FRMPD2: variants seen among roughly 807,000 people sequenced by gnomAD.
FRMPD2 encodes FERM and PDZ domain-containing protein 2.
FRMPD2 carries 96 observed loss-of-function variants against 140.1 expected under a neutral mutation model. The observed-to-expected ratio is 0.69, with a 90% CI of 0.58 to 0.81. The LOEUF (loss-of-function observed/expected upper bound fraction) is 0.81. Ranked by LOEUF, FRMPD2 falls within the 40% of genes least tolerant of loss-of-function variation. FRMPD2 has a pLI of 0.00. For missense variants in FRMPD2, 1,240 were observed against 1,447.4 expected (o/e 0.86, Z 2.32); for synonymous variants, 449 against 547.6 (o/e 0.82, Z 2.52).
intron 1 of FRMPD2, among the ~76,000 whole-genome samples, chr10:48,255,935 G>A (rs1425574486): frequency 6.6e-6 from 1 of 152,196 alleles, no homozygotes; most frequent in Admixed American, 6.5e-5. Context: ...GAGGTGGGCG[G>A]GTCCCATCTG....
intron 1 of FRMPD2, among the ~76,000 whole-genome samples, chr10:48,270,828 T>A (rs184732109): frequency 4.6e-5 from 7 of 152,134 alleles, no homozygotes; most frequent in Non-Finnish European, 8.8e-5. Flanking sequence ...CCCAGCCCGT[T>A]AATCACCATC....
At chr10:48,186,201 GT>G (rs1188459432) in intron 17 of FRMPD2, among the ~76,000 whole-genome samples, 1 of 152,228 alleles carries the variant, frequency 6.6e-6, no homozygotes, top group African/African-American at 2.4e-5. Context: ...GAGTCCTGGA[GT>G]GGGGCACTTC....
intron 12 of FRMPD2, among the ~76,000 whole-genome samples, chr10:48,222,094 G>A (rs1014094916): frequency 6.8e-6 from 1 of 146,274 alleles, no homozygotes; most frequent in Admixed American, 6.8e-5. Flanking sequence ...AGGTGAATAG[G>A]TAGATGAGTG....
chr10:48,171,389 T>A (rs1226902153), intron 25 of FRMPD2, among the ~76,000 whole-genome samples, 181 bp from the exon 26 acceptor site: 1 of 151,896 alleles, frequency 6.6e-6, no homozygotes. Context: ...CAATAAAATA[T>A]AATGTGAGCT....
chr10:48,173,011 C>T lies in FRMPD2; in HGVS notation c.3158G>A (p.Arg1053His), dbSNP rs782346648. Residue 1053 changes from arginine (R) to histidine (H), a missense_variant, in exon 25 of 29, where the codon CGC (arginine) becomes CAC (histidine). Physicochemically the swap from Arg to His is conservative, Grantham distance 29. Around this residue, in one of 6 missense-constraint regions of FRMPD2, gnomAD observed 22 missense variants for 35.3 expected, o/e 0.62. Transcript: ENST00000374201. ...PSANDSMGDE[R>H]TAVSLVTALP... The stretch of plus-strand genomic sequence containing the variant: ...GGCTGTTACCAAGGAAACAGCCGTG[C>T]GTTCATCTCCCATGCTGTCATTAGC... The T allele has an allele frequency of 2.3e-5, 26 of 1,114,250 alleles. 2 individuals carry two copies. The highest frequency in any genetic ancestry group is 7.1e-5 in the East Asian group (3 of 42,280). The allele number at this position is 1,114,250 out of a possible 1,614,324, so 69.0% of individuals were successfully genotyped here. A position where few individuals can be genotyped will look rare whatever the true frequency, so the allele number is the denominator to read the frequency against.
chr10:48,203,094 C>A (rs756302440), intron 14 of FRMPD2, among the ~76,000 whole-genome samples: 1 of 152,170 alleles, frequency 6.6e-6, no homozygotes, highest in Non-Finnish European at 1.5e-5. Context: ...CTGTGCCTTG[C>A]AAGAATAAAT....
intron 9 of FRMPD2, among the ~76,000 whole-genome samples, chr10:48,233,904 G>A (rs1588845053): frequency 6.6e-6 from 1 of 152,092 alleles, no homozygotes; most frequent in Non-Finnish European, 1.5e-5. Context: ...GCAGGCACAC[G>A]CACCCAAGGC....
intron 1 of FRMPD2, among the ~76,000 whole-genome samples, chr10:48,272,973 G>C (rs1840794970): frequency 6.6e-6 from 1 of 152,312 alleles, no homozygotes; most frequent in East Asian, 1.9e-4. Flanking sequence ...AAGGGTATAA[G>C]AGTTCAGCAA....
At chr10:48,179,686 A>G (rs2132419688) in intron 21 of FRMPD2, among the ~76,000 whole-genome samples, 1 of 152,078 alleles carries the variant, frequency 6.6e-6, no homozygotes, top group South Asian at 2.1e-4. Flanking sequence ...GATGAGTAGA[A>G]GAAAGATACG....
chr10:48,217,576 T>A (rs1839479738), intron 12 of FRMPD2, among the ~76,000 whole-genome samples: 1 of 152,180 alleles, frequency 6.6e-6, no homozygotes, highest in South Asian at 2.1e-4. Context: ...GAGAATATAA[T>A]AGGAGATATC....
At chr10:48,274,029 T>C (rs1169615659) in intron 1 of FRMPD2, among the ~76,000 whole-genome samples, 1 of 152,216 alleles carries the variant, frequency 6.6e-6, no homozygotes, top group Non-Finnish European at 1.5e-5. Context: ...TCTTCTTACT[T>C]TAAACCACTG....
In FRMPD2 at chr10:48,224,914, A is replaced by G. The variant is rs933053485; in HGVS notation, c.1169-1644T>C. 5.9e-5 allele frequency among the ~76,000 whole-genome samples: 9 copies of G among 152,244 alleles called. No homozygotes were observed. The South Asian group carries it at 8.3e-4, about 14-fold the overall frequency. On this transcript the variant is annotated intron_variant, in intron 10 of 28. Coordinates refer to ENST00000374201, the MANE Select transcript of FRMPD2 (RefSeq NM_001018071.4). ...GTTATGAAAGGTCGAGCAAATATCA[A>G]TTGATCACATCAAAGCATATAACAG... is the stretch of plus-strand genomic sequence containing the variant.
Position 48,192,890 on chromosome 10 carries a change from A to T in FRMPD2, c.1959T>A (p.His653Gln). The T allele has an allele frequency of 6.2e-7, 1 of 1,612,638 alleles. No homozygotes were observed. Among genetic ancestry groups the T allele is most frequent in the Middle Eastern group, 1.7e-4 (1 of 6,060 alleles). ...SGQPSHVLFD[H>Q]DKFVQMANLS... ...AATTGGCCATTTGCACAAACTTATC[A>T]TGGTCTGAATTTGGGGAGAAAAACA... The change falls in exon 16 of 29, where the codon CAT becomes CAA. Residue 653 changes from histidine to glutamine, a missense_variant. By Grantham distance (24) the His-to-Gln change is conservative. Around this residue, in one of 6 missense-constraint regions of FRMPD2, gnomAD observed 1,161 missense variants for 1,055.9 expected, o/e 1.10. Transcript: ENST00000374201.
At chr10:48,257,464 G>T in intron 1 of FRMPD2, among the ~76,000 whole-genome samples, 1 of 152,090 alleles carries the variant, frequency 6.6e-6, no homozygotes. Flanking sequence ...ATTTTTAGTA[G>T]AGATGGGGTT....
At chr10:48,254,063 A>G (rs74648477) in intron 1 of FRMPD2, among the ~76,000 whole-genome samples, 22 of 128,752 alleles carry the variant, frequency 1.7e-4, no homozygotes, top group African/African-American at 8.5e-4. Flanking sequence ...CCTTTCAATT[A>G]AAAAAAAAAA....
At chr10:48,184,945 T>C (rs1838643802) in intron 18 of FRMPD2, 64 bp from the exon 19 acceptor site, 1 of 1,276,256 alleles carries the variant, frequency 7.8e-7, no homozygotes, top group African/African-American at 1.5e-5. Flanking sequence ...TCAGAGAGGT[T>C]AGGTTATTTC....
intron 14 of FRMPD2, among the ~76,000 whole-genome samples, chr10:48,203,828 T>C (rs1839142598): frequency 6.6e-6 from 1 of 152,180 alleles, no homozygotes; most frequent in African/African-American, 2.4e-5. Context: ...TTCACCCCAG[T>C]TGGTTAAGAC....
chr10:48,241,782 G>A (rs185845886), intron 5 of FRMPD2, among the ~76,000 whole-genome samples: 12 of 152,296 alleles, frequency 7.9e-5, no homozygotes, highest in Admixed American at 2.6e-4. Flanking sequence ...AAACGAAGTC[G>A]GGGAAGGCTT....
intron 13 of FRMPD2, among the ~76,000 whole-genome samples, chr10:48,210,515 C>A (rs992588437): frequency 6.6e-6 from 1 of 152,224 alleles, no homozygotes; most frequent in Admixed American, 6.5e-5. Flanking sequence ...GTCCATCCTG[C>A]AGACATCTGC....
Sources: allele counts gnomAD v4.1 joint callset (sites outside exome capture counted in the v4.1 genomes callset), GRCh38; gene constraint gnomAD v4.1.1; regional missense constraint gnomAD v4.1.1; transcripts MANE v1.5; gene names NCBI Gene and HGNC (gene_info 2026-07-23, HGNC 2026-07-21).